TFDP1: variants seen among roughly 807,000 people sequenced by gnomAD.
TFDP1 encodes transcription factor Dp-1, also known as DRTF1-polypeptide 1.
Under a neutral mutation model 48.0 loss-of-function variants are expected in TFDP1, and 6 were observed. That is an observed-to-expected ratio of 0.13 (90% confidence interval 0.07 to 0.25). TFDP1 has a LOEUF of 0.25. TFDP1 is among the 10% of genes least tolerant of loss of function. The pLI, the probability that TFDP1 is intolerant of heterozygous loss-of-function variation, is 1.00. For missense variants in TFDP1, 335 were observed against 543.0 expected (o/e 0.62, Z 3.81); for synonymous variants, 201 against 211.6 (o/e 0.95, Z 0.44).
chr13:113,613,556 C>G (rs114912023), intron 3 of TFDP1, among the ~76,000 whole-genome samples: 2,597 of 150,564 alleles, frequency 0.017, 82 homozygotes, highest in African/African-American at 0.06. Context: ...GTGTGTGTCA[C>G]TGAGTGTGCA....
rs115815350 is a variant in TFDP1, at chr13:113,614,381, C to T, written c.79+3319C>T. Among the ~76,000 whole-genome samples the T allele has an allele frequency of 1.1e-3, 173 of 152,252 alleles. 1 individual carries two copies. The highest frequency in any genetic ancestry group is 4.0e-3 in the African/African-American group (168 of 41,564). On this transcript the variant is annotated intron_variant, in intron 3 of 11. Transcript: ENST00000375370. ...GGGGTGGTCCAGGCAGGGTCCTCGG[C>T]GCCCTTAGATGGAGCCGTTGCAGCT...
Position 113,633,329 on chromosome 13 carries a change from A to T in TFDP1, c.474+44A>T. The stretch of plus-strand genomic sequence containing the variant: ...CCGAGAGGCTGGGGTGGCGGAGCCC[A>T]GCGGTGTGGTACGTTTCGCTCTTTT... On this transcript the variant is annotated intron_variant, in intron 6 of 11. Transcript: ENST00000375370. This position sits in a 1 kb window ranked among gnomAD's most constrained non-coding sequence, Gnocchi z 4.5. 1 of 1,528,550 alleles carries T rather than the reference A, an allele frequency of 6.5e-7. No individual in the cohort carries two copies. 94.7% of individuals were successfully genotyped at this position (1,528,550 alleles called of 1,614,324 possible).
Position 113,619,481 on chromosome 13 carries a change from CA to C in TFDP1, c.80-3680del, listed in dbSNP as rs1162300447. Among the ~76,000 whole-genome samples the C allele has an allele frequency of 3.0e-3, 328 of 110,410 alleles. 1 individual carries two copies. Among genetic ancestry groups the C allele is most frequent in the African/African-American group, 7.6e-3 (231 of 30,592 alleles). 72.4% of individuals were successfully genotyped at this position (110,410 alleles called of 152,430 possible). A position where few individuals can be genotyped will look rare whatever the true frequency, so the allele number is the denominator to read the frequency against. On this transcript the variant is annotated intron_variant, in intron 3 of 11. Coordinates refer to ENST00000375370, the MANE Select transcript of TFDP1 (RefSeq NM_007111.5). ...GTGAGACTCCATCTCAAAAAAAAAACAAAAAAAAAAAAAAAAAAAGAAGAAG... is the reference window on the plus strand; with the variant it reads ...GTGAGACTCCATCTCAAAAAAAAAACAAAAAAAAAAAAAAAAAAGAAGAAG...
At chr13:113,610,126 G>A (rs1364471371) in intron 2 of TFDP1, among the ~76,000 whole-genome samples, 1 of 152,218 alleles carries the variant, frequency 6.6e-6, no homozygotes, top group Non-Finnish European at 1.5e-5. Context: ...CTCTTGCCGT[G>A]TGGCTGTACT....
chr13:113,595,331 T>C (rs1007934887), intron 2 of TFDP1, among the ~76,000 whole-genome samples: 2 of 152,176 alleles, frequency 1.3e-5, no homozygotes, highest in Non-Finnish European at 2.9e-5. Flanking sequence ...GTAGACTGAA[T>C]GGAGAACATA....
intron 2 of TFDP1, among the ~76,000 whole-genome samples, chr13:113,587,612 G>T (rs755189733): frequency 6.6e-6 from 1 of 150,820 alleles, no homozygotes; most frequent in Non-Finnish European, 1.5e-5. Flanking sequence ...AGCCTCCCGA[G>T]AAGCTAGGAT....
intron 2 of TFDP1, 142 bp downstream of exon 2, chr13:113,585,991 G>A: frequency 1.1e-6 from 1 of 945,446 alleles, no homozygotes; most frequent in Non-Finnish European, 1.6e-6. Context: ...GAAGCGGGAT[G>A]AAGGTGAAAG....
chr13:113,612,890 G>A (rs564545188), intron 3 of TFDP1, among the ~76,000 whole-genome samples: 6 of 152,338 alleles, frequency 3.9e-5, no homozygotes, highest in African/African-American at 1.4e-4. Flanking sequence ...CGCCCCGCGT[G>A]CCCCGGCCCC....
At chr13:113,638,570 C>T (rs747397848) in intron 11 of TFDP1, among the ~76,000 whole-genome samples, 4 of 152,234 alleles carry the variant, frequency 2.6e-5, no homozygotes, top group Non-Finnish European at 4.4e-5. Context: ...TTTCAGAACG[C>T]GTCTGTGGTC....
At position 113,623,941 on chromosome 13, in the gene TFDP1, C is replaced by G. The variant is rs2049056771; in HGVS notation, c.186+655C>G. ...CAGGGAGCCCACACAGAATCCTGAC[C>G]TCACCAGAAATGGGGCCCCAGGCAC... is the stretch of plus-strand genomic sequence containing the variant. On this transcript the variant is annotated intron_variant, in intron 4 of 11. Coordinates refer to ENST00000375370, the MANE Select transcript of TFDP1 (RefSeq NM_007111.5). The surrounding 1 kb of genome is among the most constrained non-coding windows in gnomAD (Gnocchi z 5.2). 6.6e-6 allele frequency among the ~76,000 whole-genome samples: 1 copy of G among 152,202 alleles called. No individual in the cohort carries two copies. Among genetic ancestry groups the G allele is most frequent in the South Asian group, 2.1e-4 (1 of 4,830 alleles).
intron 3 of TFDP1, among the ~76,000 whole-genome samples, chr13:113,618,879 G>T (rs2048925672): frequency 6.6e-6 from 1 of 152,170 alleles, no homozygotes; most frequent in Non-Finnish European, 1.5e-5. Context: ...TGCAGAATGC[G>T]AGCCATATAA....
At chr13:113,624,994 TCACGTGTCCTCAGGTGTCTC>T in intron 4 of TFDP1, among the ~76,000 whole-genome samples, 1 of 121,156 alleles carries the variant, frequency 8.3e-6, no homozygotes, top group Admixed American at 8.2e-5. Context: ...CAGGTGTCTC[TCACGTGTCCTCAGGTGTCTC>T]TCACGTGTCC....
chr13:113,630,591 C>T (rs1273352816), intron 4 of TFDP1, among the ~76,000 whole-genome samples: 1 of 152,166 alleles, frequency 6.6e-6, no homozygotes, highest in Non-Finnish European at 1.5e-5. Context: ...ACTGCATGTC[C>T]ATACAAGCAG....
chr13:113,623,184 G>A lies in TFDP1; in HGVS notation c.84G>A (p.Val28=). ...IDQNLSPGKG[V]VSLVAVHPST... Reference sequence around the variant, plus strand: ...CCTGGTGTCCTTGTGTTGCAGGCGTGGTGTCCCTCGTGGCCGTTCACCCCT... The same window carrying A: ...CCTGGTGTCCTTGTGTTGCAGGCGTAGTGTCCCTCGTGGCCGTTCACCCCT... Residue 28 remains valine, a synonymous_variant, in exon 4 of 12, where the codon GTG becomes GTA. Transcript: ENST00000375370. The surrounding 1 kb of genome is among the most constrained non-coding windows in gnomAD (Gnocchi z 5.2). 2 of 1,612,816 alleles carry A rather than the reference G, an allele frequency of 1.2e-6. No homozygotes were observed. The highest frequency in any genetic ancestry group is 1.7e-6 in the Non-Finnish European group (2 of 1,179,380).
In TFDP1 at chr13:113,607,471, G is replaced by A. The variant is rs113166223; in HGVS notation, c.13-3525G>A. ...CAAAATGATGCTTGTGGCAGACACA[G>A]TTGGAACCACAGACGATGCCACGCT... On this transcript the variant is annotated intron_variant, in intron 2 of 11. Coordinates refer to ENST00000375370, the MANE Select transcript of TFDP1 (RefSeq NM_007111.5). The surrounding 1 kb of genome is among the most constrained non-coding windows in gnomAD (Gnocchi z 5.2). Among the ~76,000 whole-genome samples, 188 of 152,374 alleles carry A rather than the reference G, an allele frequency of 1.2e-3. No homozygotes were observed. The highest frequency in any genetic ancestry group is 4.2e-3 in the African/African-American group (176 of 41,580).
chr13:113,628,566 G>T (rs768590273), intron 4 of TFDP1, among the ~76,000 whole-genome samples: 4 of 152,246 alleles, frequency 2.6e-5, no homozygotes, highest in Non-Finnish European at 5.9e-5. Context: ...GAGGCTCCTG[G>T]ATCTCCTGGA....
Position 113,636,664 on chromosome 13 carries a change from A to T in TFDP1, c.970A>T (p.Ser324Cys), listed in dbSNP as rs759730722. ...TGCCGAAGACCTTAAAATGGCCAGAAGTCTGGTCCCCAAGGCTCTGGAGCC... is the reference window on the plus strand; with the variant it reads ...TGCCGAAGACCTTAAAATGGCCAGATGTCTGGTCCCCAAGGCTCTGGAGCC... Reference protein sequence around the residue: ...CSAEDLKMARSLVPKALEPYV... With the variant: ...CSAEDLKMARCLVPKALEPYV... The change falls in exon 10 of 12, where the codon AGT (serine) becomes TGT (cysteine). Residue 324 changes from serine to cysteine, a missense_variant. By Grantham distance (112) the Ser-to-Cys change is moderately radical. This residue lies in a region of TFDP1 where 204 missense variants were observed against 287.1 expected (regional missense o/e 0.71). Transcript: ENST00000375370. The T allele has an allele frequency of 2.3e-5, 37 of 1,610,610 alleles. No individual in the cohort carries two copies. The highest frequency in any genetic ancestry group is 3.1e-5 in the Non-Finnish European group (37 of 1,180,000).
chr13:113,626,712 C>T (rs935745881), intron 4 of TFDP1, among the ~76,000 whole-genome samples: 3 of 152,194 alleles, frequency 2.0e-5, no homozygotes, highest in Non-Finnish European at 2.9e-5. Context: ...TTTTCAACCA[C>T]GTTGCACAGC....
chr13:113,609,842 TG>T (rs977118868), intron 2 of TFDP1, among the ~76,000 whole-genome samples: 2 of 152,260 alleles, frequency 1.3e-5, no homozygotes, highest in African/African-American at 4.8e-5. Flanking sequence ...CCTGGGACCC[TG>T]GGTACTCAAG....
Sources: gnomAD v4.1 joint callset for allele counts (sites outside exome capture counted in the v4.1 genomes callset) on GRCh38, gnomAD v4.1.1 for gene constraint, gnomAD v4.1.1 regional missense constraint, Gnocchi (gnomAD v3.1) non-coding constraint, MANE v1.5 for transcripts, NCBI Gene and HGNC (gene_info 2026-07-23, HGNC 2026-07-21) for gene names.